PDHA1: variants seen among roughly 807,000 people sequenced by gnomAD.
PDHA1 encodes the protein pyruvate dehydrogenase E1 subunit alpha 1, also known as pyruvate dehydrogenase E1 component subunit alpha, somatic form, mitochondrial.
A neutral mutation model predicts 33.0 loss-of-function variants in PDHA1; 1 was observed. The observed-to-expected ratio is 0.03, with a 90% CI of 0.01 to 0.14. The LOEUF (loss-of-function observed/expected upper bound fraction) is 0.14. Among genes scored for constraint, PDHA1 ranks in the 10% least tolerant of loss-of-function variants. PDHA1 has a pLI of 1.00. For missense variants in PDHA1, 168 were observed against 325.1 expected (o/e 0.52, Z 3.72); for synonymous variants, 123 against 119.2 (o/e 1.03, Z -0.21).
intron 5 of PDHA1, among the ~76,000 whole-genome samples, chrX:19,353,604 T>G (rs1393121181): frequency 1.8e-5 from 2 of 111,727 alleles, no homozygotes; most frequent in Middle Eastern, 4.6e-3. Flanking sequence ...TGTTGTTAAG[T>G]GACGCGTGAC....
At chrX:19,352,324 C>T (rs1370323191) in intron 4 of PDHA1, among the ~76,000 whole-genome samples, 1 of 108,535 alleles carries the variant, frequency 9.2e-6, no homozygotes, top group Non-Finnish European at 1.9e-5. Context: ...AGCCTCCGCC[C>T]CCCGGGTTCA....
At chrX:19,345,599 A>G (rs967459869) in intron 1 of PDHA1, 1 of 117,423 alleles carries the variant, frequency 8.5e-6, no homozygotes. Context: ...AAAAAAAAAA[A>G]AAAGCGTTCC....
In PDHA1 at chrX:19,349,326, G is replaced by A; in HGVS notation, c.72G>A (p.Leu24=). Residue 24 remains leucine, a synonymous_variant, in exon 2 of 11, where the codon CTG becomes CTA. Coordinates refer to ENST00000422285, the MANE Select transcript of PDHA1 (RefSeq NM_000284.4). The part of the protein sequence containing the change: ...GASQKPASRV[L]VASRNFANDA... Reference sequence around the variant, plus strand: ...TGTCTTTTAAGGCAAGCAGAGTGCTGGTAGCATCCCGTAATTTTGCAAATG... The same window carrying A: ...TGTCTTTTAAGGCAAGCAGAGTGCTAGTAGCATCCCGTAATTTTGCAAATG... 8.4e-7 allele frequency: 1 copy of A among 1,184,680 alleles called. No individual in the cohort carries two copies. The highest frequency in any genetic ancestry group is 1.1e-6 in the Non-Finnish European group (1 of 871,087).
In PDHA1 at chrX:19,344,034, C is replaced by T; in HGVS notation, c.-4C>T. On this transcript the variant is annotated 5_prime_UTR_variant, in exon 1 of 11. Transcript: ENST00000422285. Reference sequence around the variant, plus strand: ...GTCGCCGCTGCCGCCACTGCCTGTGCTTCATGAGGAAGATGCTCGCCGCCG... The same window carrying T: ...GTCGCCGCTGCCGCCACTGCCTGTGTTTCATGAGGAAGATGCTCGCCGCCG... The T allele has an allele frequency of 8.3e-7, 1 of 1,208,364 alleles. No individual in the cohort carries two copies. The highest frequency in any genetic ancestry group is 1.1e-6 in the Non-Finnish European group (1 of 894,222).
chrX:19,355,872 TGGAAGCAGAGTGAA>T, intron 8 of PDHA1, 115 bp downstream of exon 8: 1 of 584,076 alleles, frequency 1.7e-6, no homozygotes, highest in South Asian at 2.4e-5. Context: ...GTGCATGAGA[TGGAAGCAGAGTGAA>T]GGGAGCAGGG....
intron 1 of PDHA1, among the ~76,000 whole-genome samples, chrX:19,344,755 A>C (rs1478309470): frequency 1.8e-5 from 2 of 112,916 alleles, no homozygotes; most frequent in South Asian, 3.6e-4. Context: ...ACGATTCCAA[A>C]TAGCACCTGG....
chrX:19,348,632 A>G (rs2063147106), intron 1 of PDHA1, among the ~76,000 whole-genome samples: 2 of 112,603 alleles, frequency 1.8e-5, no homozygotes, highest in African/African-American at 3.2e-5. Context: ...AATGAACAGT[A>G]TCTGGTTATG....
In PDHA1 at chrX:19,361,009, G is replaced by A; in HGVS notation, c.*1356G>A. On this transcript the variant is annotated 3_prime_UTR_variant, in exon 11 of 11. Transcript: ENST00000422285. ...CCTTAGAGGTACGTACCTGCAGAGA[G>A]CTGGCTATTTCAAATGACTCGGGAA... 3 of 426,458 alleles carry A rather than the reference G, an allele frequency of 7.0e-6. No homozygotes were observed. Among genetic ancestry groups the A allele is most frequent in the Non-Finnish European group, 8.0e-6 (2 of 248,998 alleles). The allele number at this position is 426,458 out of a possible 1,213,427, so 35.1% of individuals were successfully genotyped here.
chrX:19,345,572 TAAAAAAAAA>T (rs11318265), intron 1 of PDHA1, among the ~76,000 whole-genome samples: 12 of 30,270 alleles, frequency 4.0e-4, no homozygotes, highest in East Asian at 3.2e-3. Flanking sequence ...CTCCGTATTT[TAAAAAAAAA>T]AAAAAAAAAA....
chrX:19,356,705 C>G (rs760194302), intron 8 of PDHA1, among the ~76,000 whole-genome samples: 1 of 88,603 alleles, frequency 1.1e-5, no homozygotes, highest in Non-Finnish European at 1.9e-5. Context: ...GAATGTGTGA[C>G]TTTCCCAAAC....
chrX:19,359,828 A>C lies in PDHA1; in HGVS notation c.*175A>C, dbSNP rs1297197151. ...GCAGTTTGTACATTAGTGCATTAAA[A>C]GATGAATTATTGAGTGCTTAAAGAT... On this transcript the variant is annotated 3_prime_UTR_variant, in exon 11 of 11. Transcript: ENST00000422285. 6.2e-5 allele frequency: 31 copies of C among 496,765 alleles called. No homozygotes were observed. The highest frequency in any genetic ancestry group is 1.1e-4 in the Non-Finnish European group (30 of 280,349). The allele number at this position is 496,765 out of a possible 1,213,427, so 40.9% of individuals were successfully genotyped here.
rs776093225 is a variant in PDHA1 at position 19,357,752 on chromosome X, G to C, written c.899+33G>C. On this transcript the variant is annotated intron_variant, in intron 9 of 10. Transcript: ENST00000422285. ...CATGGGCAGTGTGGTTTCCATAGGG[G>C]TGGGCTTTGAATGGTGTTACATGGC... The C allele has an allele frequency of 2.0e-4, 222 of 1,110,150 alleles. 1 individual carries two copies. In the South Asian group the frequency reaches 3.9e-3, roughly 20 times the overall value. The allele number at this position is 1,110,150 out of a possible 1,213,427, so 91.5% of individuals were successfully genotyped here.
chrX:19,343,979 A>G lies in PDHA1; in HGVS notation c.-59A>G. 4.6e-6 allele frequency: 5 copies of G among 1,094,245 alleles called. No individual in the cohort carries two copies. The highest frequency in any genetic ancestry group is 6.0e-5 in the East Asian group (2 of 33,120). The allele number at this position is 1,094,245 out of a possible 1,213,427, so 90.2% of individuals were successfully genotyped here. A position where few individuals can be genotyped will look rare whatever the true frequency, so the allele number is the denominator to read the frequency against. Reference sequence around the variant, plus strand: ...GGGCACCTGAAGGAGACTTGGGGGCACCCGCGTCGTGCCTCCTGGGTTGTG... The same window carrying G: ...GGGCACCTGAAGGAGACTTGGGGGCGCCCGCGTCGTGCCTCCTGGGTTGTG... On this transcript the variant is annotated 5_prime_UTR_variant, in exon 1 of 11. Transcript: ENST00000422285.
At chrX:19,355,526 C>A in intron 7 of PDHA1, 22 bp downstream of exon 7, 1 of 1,191,409 alleles carries the variant, frequency 8.4e-7, no homozygotes, top group Non-Finnish European at 1.1e-6. Context: ...TGTGGTGGGG[C>A]CGGGGCCAAG....
Position 19,359,626 on chromosome X carries a change from G to A in PDHA1, c.1146G>A (p.Gln382=), listed in dbSNP as rs767675495. 1 of 1,211,328 alleles carries A rather than the reference G, an allele frequency of 8.3e-7. No individual in the cohort carries two copies. The highest frequency in any genetic ancestry group is 3.0e-5 in the East Asian group (1 of 33,841). The part of the protein sequence containing the change: ...DPPFEVRGAN[Q]WIKFKSVS ...CTTTTGAAGTTCGTGGTGCCAATCA[G>A]TGGATCAAGTTTAAGTCAGTCAGTT... The change falls in exon 11 of 11, where the codon CAG becomes CAA. Residue 382 remains glutamine, a synonymous_variant. Coordinates refer to ENST00000422285, the MANE Select transcript of PDHA1 (RefSeq NM_000284.4).
At chrX:19,354,328 T>A (rs1220377453) in intron 5 of PDHA1, among the ~76,000 whole-genome samples, 163 bp from the exon 6 acceptor site, 1 of 112,537 alleles carries the variant, frequency 8.9e-6, no homozygotes, top group African/African-American at 3.2e-5. Context: ...TTATTGAAAA[T>A]ATCGGAGGTG....
At position 19,357,313 on chromosome X, in the gene PDHA1, C is replaced by T. The variant is rs1569192538; in HGVS notation, c.832-339C>T. ...GTTTTGCCATGTTGTCCAGGCTAGT[C>T]TCGAACTCCTGGGCGCAAGTGCTCT... On this transcript the variant is annotated intron_variant, in intron 8 of 10. Coordinates refer to ENST00000422285, the MANE Select transcript of PDHA1 (RefSeq NM_000284.4). 6 of 270,507 alleles carry T rather than the reference C, an allele frequency of 2.2e-5. No individual in the cohort carries two copies. The East Asian group carries it at 5.1e-4, about 23-fold the overall frequency. 22.3% of individuals were successfully genotyped at this position (270,507 alleles called of 1,213,427 possible).
At chrX:19,345,400 G>T (rs1475643953) in intron 1 of PDHA1, among the ~76,000 whole-genome samples, 1 of 108,033 alleles carries the variant, frequency 9.3e-6, no homozygotes, top group African/African-American at 3.4e-5. Flanking sequence ...GTGAAACCCC[G>T]TCTCTACTAA....
At chrX:19,348,947 A>G (rs2063148949) in intron 1 of PDHA1, among the ~76,000 whole-genome samples, 1 of 112,317 alleles carries the variant, frequency 8.9e-6, no homozygotes, top group African/African-American at 3.2e-5. Flanking sequence ...CTCCGTCTCA[A>G]AACAAACAAA....
Sources: allele counts gnomAD v4.1 joint callset (sites outside exome capture counted in the v4.1 genomes callset), GRCh38; gene constraint gnomAD v4.1.1; transcripts MANE v1.5; gene names NCBI Gene and HGNC (gene_info 2026-07-23, HGNC 2026-07-21).